The following TSHZ2 variants were observed in gnomAD, a reference collection of about 807,000 sequenced individuals.
The protein encoded by TSHZ2 is teashirt zinc finger homeobox 2, also known as teashirt homolog 2.
A neutral mutation model predicts 74.4 loss-of-function variants in TSHZ2; 21 were observed. The observed-to-expected ratio is 0.28, with a 90% CI of 0.20 to 0.41. The LOEUF (loss-of-function observed/expected upper bound fraction) is 0.41. TSHZ2 is among the 10% of genes least tolerant of loss of function. TSHZ2 has a pLI of 1.00. For synonymous variants in TSHZ2, 540 were observed against 515.3 expected, an observed-to-expected ratio of 1.05 and a Z score of -0.65; for missense variants, 1,244 against 1,293.5, an observed-to-expected ratio of 0.96 and a Z score of 0.59.
At chr20:53,264,921 A>T (rs1990680548) in intron 2 of TSHZ2, among the ~76,000 whole-genome samples, 1 of 152,146 alleles carries the variant, frequency 6.6e-6, no homozygotes, top group East Asian at 1.9e-4. Flanking sequence ...GGAAGGCCTC[A>T]TTGGGAGAAT....
chr20:52,990,379 G>T (rs899811731), intron 1 of TSHZ2, among the ~76,000 whole-genome samples: 1 of 143,902 alleles, frequency 6.9e-6, no homozygotes, highest in Non-Finnish European at 1.5e-5. Flanking sequence ...CTTGGCTTAA[G>T]TACGCTGAAC....
At chr20:53,249,821 C>T (rs1990286103) in intron 1 of TSHZ2, among the ~76,000 whole-genome samples, 1 of 152,112 alleles carries the variant, frequency 6.6e-6, no homozygotes. Context: ...ATTGCAAGTG[C>T]AACAGAAAGA....
At chr20:53,282,378 T>C (rs1991079581) in intron 2 of TSHZ2, among the ~76,000 whole-genome samples, 1 of 152,244 alleles carries the variant, frequency 6.6e-6, no homozygotes, top group Non-Finnish European at 1.5e-5. Context: ...GCCTTTCATA[T>C]GCAGATCAGT....
chr20:53,127,881 T>C (rs1312376119), intron 1 of TSHZ2, among the ~76,000 whole-genome samples: 2 of 152,216 alleles, frequency 1.3e-5, no homozygotes, highest in Non-Finnish European at 2.9e-5. Flanking sequence ...GCCTCACAGA[T>C]GAGCCAGGGT....
chr20:52,984,799 G>A (rs1354700593), intron 1 of TSHZ2, among the ~76,000 whole-genome samples: 1 of 152,154 alleles, frequency 6.6e-6, no homozygotes, highest in Non-Finnish European at 1.5e-5. Context: ...CAGATGGATG[G>A]CGGAAGAGCC....
intron 1 of TSHZ2, among the ~76,000 whole-genome samples, chr20:53,004,227 C>G (rs1401294689): frequency 6.7e-6 from 1 of 150,374 alleles, no homozygotes; most frequent in Non-Finnish European, 1.5e-5. Context: ...CAAATTTCAT[C>G]CAGAAATACA....
intron 2 of TSHZ2, among the ~76,000 whole-genome samples, chr20:53,415,799 TACACACAC>T (rs879670879): frequency 1.2e-4 from 17 of 145,364 alleles, no homozygotes; most frequent in South Asian, 4.3e-4. Flanking sequence ...TGTGTAGATA[TACACACAC>T]ACACACACAC....
intron 2 of TSHZ2, among the ~76,000 whole-genome samples, chr20:53,401,448 G>C (rs991506986): frequency 1.3e-5 from 2 of 151,890 alleles, no homozygotes; most frequent in Non-Finnish European, 1.5e-5. Flanking sequence ...TGGTTACATG[G>C]GTAAGTTCTT....
intron 1 of TSHZ2, among the ~76,000 whole-genome samples, chr20:53,251,629 G>T (rs545981062): frequency 2.6e-5 from 4 of 152,180 alleles, no homozygotes; most frequent in African/African-American, 9.6e-5. Context: ...CTGTCAATTT[G>T]CTAGGAAGGT....
intron 2 of TSHZ2, among the ~76,000 whole-genome samples, chr20:53,317,949 G>T (rs1225890930): frequency 6.6e-6 from 1 of 152,232 alleles, no homozygotes; most frequent in African/African-American, 2.4e-5. Context: ...TGTGAGGAAA[G>T]ATGGACATCA....
chr20:53,207,329 G>T (rs1039434622), intron 1 of TSHZ2, among the ~76,000 whole-genome samples: 1 of 152,074 alleles, frequency 6.6e-6, no homozygotes, highest in Non-Finnish European at 1.5e-5. Flanking sequence ...TTTTTTTCAG[G>T]GGTGGGGGGC....
intron 1 of TSHZ2, among the ~76,000 whole-genome samples, chr20:53,021,543 G>T (rs1313822253): frequency 1.3e-5 from 2 of 152,204 alleles, no homozygotes; most frequent in East Asian, 3.9e-4. Flanking sequence ...AAATTTCTCT[G>T]TCTCATAATG....
intron 1 of TSHZ2, among the ~76,000 whole-genome samples, chr20:53,127,822 C>T (rs996325777): frequency 6.6e-6 from 1 of 152,132 alleles, no homozygotes; most frequent in African/African-American, 2.4e-5. Context: ...GGTCAGAGGG[C>T]CAGGAAGAGG....
chr20:53,101,588 C>G (rs1986220093), intron 1 of TSHZ2, among the ~76,000 whole-genome samples: 1 of 152,168 alleles, frequency 6.6e-6, no homozygotes, highest in South Asian at 2.1e-4. Flanking sequence ...TTGTAGAAAC[C>G]ACAGCCCCCA....
At chr20:53,078,197 C>T (rs1256676815) in intron 1 of TSHZ2, among the ~76,000 whole-genome samples, 1 of 152,062 alleles carries the variant, frequency 6.6e-6, no homozygotes, top group Non-Finnish European at 1.5e-5. Flanking sequence ...AGATCTAAAC[C>T]CAAAATCTAA....
intron 2 of TSHZ2, among the ~76,000 whole-genome samples, chr20:53,459,241 C>T (rs1022210429): frequency 1.7e-4 from 26 of 152,130 alleles, no homozygotes; most frequent in Admixed American, 1.7e-3. Flanking sequence ...CTGGGTGCTC[C>T]TGTATTGGGT....
At chr20:53,106,828 G>A (rs1251938069) in intron 1 of TSHZ2, among the ~76,000 whole-genome samples, 2 of 151,736 alleles carry the variant, frequency 1.3e-5, no homozygotes, top group Admixed American at 6.6e-5. Flanking sequence ...CTCCCAAGTA[G>A]CTGGGACTAC....
intron 2 of TSHZ2, among the ~76,000 whole-genome samples, chr20:53,437,499 A>G (rs968666653): frequency 6.6e-6 from 1 of 152,086 alleles, no homozygotes; most frequent in African/African-American, 2.4e-5. Context: ...AAGAAAAGAA[A>G]AAAGAAAAAT....
Position 53,046,644 on chromosome 20 carries a change from A to C in TSHZ2, c.40+73311A>C, listed in dbSNP as rs6013618. 8.6e-5 allele frequency among the ~76,000 whole-genome samples: 13 copies of C among 151,348 alleles called. No individual in the cohort carries two copies. In the South Asian group the frequency reaches 1.0e-3, roughly 12 times the overall value. On this transcript the variant is annotated intron_variant, in intron 1 of 2. Coordinates refer to ENST00000371497, the MANE Select transcript of TSHZ2 (RefSeq NM_173485.6). Reference sequence around the variant, plus strand: ...ATGAGTTAGTATTTGATTAAAAAAAACAAAACAAAACAAAACCCTGGGAAC... The same window carrying C: ...ATGAGTTAGTATTTGATTAAAAAAACCAAAACAAAACAAAACCCTGGGAAC...
Sources: allele counts gnomAD v4.1 joint callset (sites outside exome capture counted in the v4.1 genomes callset), GRCh38; gene constraint gnomAD v4.1.1; transcripts MANE v1.5; gene names NCBI Gene and HGNC (gene_info 2026-07-23, HGNC 2026-07-21).